Variants in ATP7B observed in about 807,000 individuals in gnomAD.
ATP7B encodes ATPase copper transporting beta.
Under a neutral mutation model 118.9 loss-of-function variants are expected in ATP7B, and 113 were observed. The observed-to-expected ratio is 0.95, with a 90% CI of 0.82 to 1.11. ATP7B has a LOEUF of 1.11. ATP7B is among the 50% of genes most tolerant of loss of function. The pLI is 0.00. For synonymous variants in ATP7B, 777 were observed against 727.4 expected (o/e 1.07, Z -1.10); for missense variants, 1,867 against 1,871.4 (o/e 1.00, Z 0.04).
intron 6 of ATP7B, among the ~76,000 whole-genome samples, chr13:51,960,526 T>C (rs952425628): frequency 6.6e-6 from 1 of 152,154 alleles, no homozygotes; most frequent in African/African-American, 2.4e-5. Flanking sequence ...AACATCACTA[T>C]AAGGAGGTTC....
At chr13:51,994,543 T>G (rs1478211392) in intron 1 of ATP7B, among the ~76,000 whole-genome samples, 1 of 152,236 alleles carries the variant, frequency 6.6e-6, no homozygotes, top group Non-Finnish European at 1.5e-5. Context: ...AAAAACCTGA[T>G]AGCAAAATGC....
chr13:51,967,933 T>C (rs1951643619), intron 4 of ATP7B, among the ~76,000 whole-genome samples: 2 of 152,204 alleles, frequency 1.3e-5, no homozygotes, highest in South Asian at 4.1e-4. Context: ...CAACAATCAC[T>C]ACCTGGAGCA....
At chr13:51,945,194 C>T (rs561487016) in intron 13 of ATP7B, among the ~76,000 whole-genome samples, 4 of 152,328 alleles carry the variant, frequency 2.6e-5, no homozygotes, top group East Asian at 1.9e-4. Context: ...AGTCACATCA[C>T]GTGGGTATGC....
At position 51,974,949 on chromosome 13, in the gene ATP7B, CCTT is replaced by C. The variant is rs751970838; in HGVS notation, c.268_270del (p.Lys90del). On this transcript the variant is annotated inframe_deletion, in exon 2 of 21. Coordinates refer to ENST00000242839, the MANE Select transcript of ATP7B (RefSeq NM_000053.4). Reference sequence around the variant, plus strand: ...GTGGCACTGCCTTGTTCCAGGGAAACCTTCATGCTGATGATGCCTTTCAAATTG... The same window carrying C: ...GTGGCACTGCCTTGTTCCAGGGAAACCATGCTGATGATGCCTTTCAAATTG... The C allele has an allele frequency of 6.2e-7, 1 of 1,614,218 alleles. No individual in the cohort carries two copies. The highest frequency in any genetic ancestry group is 2.2e-5 in the East Asian group (1 of 44,886).
At position 51,935,030 on chromosome 13, in the gene ATP7B, C is replaced by A. The variant is rs1293549383; in HGVS notation, c.4125-1G>T. ...CCTCTCCAGGTCAGGCTTCTTATAG[C>A]TGGAAAGCAGGAACGCAACAGCATC... is the stretch of plus-strand genomic sequence containing the variant. On this transcript the variant is annotated splice_acceptor_variant, in intron 20 of 20. Transcript: ENST00000242839. LOFTEE classifies it high-confidence loss of function. The A allele has an allele frequency of 1.2e-6, 2 of 1,613,816 alleles. No individual in the cohort carries two copies. Among genetic ancestry groups the A allele is most frequent in the Non-Finnish European group, 1.7e-6 (2 of 1,180,006 alleles).
chr13:51,957,220 C>CT (rs1432862364), intron 9 of ATP7B, among the ~76,000 whole-genome samples: 1 of 152,186 alleles, frequency 6.6e-6, no homozygotes, highest in African/African-American at 2.4e-5. Context: ...AATTCATACT[C>CT]TATGTTCTCT....
In ATP7B at chr13:51,974,317, A is replaced by T; in HGVS notation, c.903T>A (p.Tyr301Ter). ...CCACTGGGCTGGTACAAGAAGGGTCATACTTTACTTGGGCAGTTTTGTTCT... is the reference window on the plus strand; with the variant it reads ...CCACTGGGCTGGTACAAGAAGGGTCTTACTTTACTTGGGCAGTTTTGTTCT... ...SLENKTAQVKYDPSCTSPVAL... is the reference protein window; with the variant it reads ...SLENKTAQVK The change falls in exon 2 of 21, where the codon TAT becomes TAA. Residue 301 changes from tyrosine to a stop codon, truncating the protein, a stop_gained. Transcript: ENST00000242839. LOFTEE classifies it high-confidence loss of function. 1 of 1,614,154 alleles carries T rather than the reference A, an allele frequency of 6.2e-7. No homozygotes were observed. The highest frequency in any genetic ancestry group is 8.5e-7 in the Non-Finnish European group (1 of 1,180,038).
At chr13:51,981,955 C>A (rs577237365) in intron 1 of ATP7B, among the ~76,000 whole-genome samples, 1 of 151,854 alleles carries the variant, frequency 6.6e-6, no homozygotes, top group Non-Finnish European at 1.5e-5. Flanking sequence ...TACGGCCCAA[C>A]ACAAATTTGT....
intron 9 of ATP7B, among the ~76,000 whole-genome samples, chr13:51,953,278 C>A (rs956132636): frequency 6.6e-6 from 1 of 152,118 alleles, no homozygotes; most frequent in African/African-American, 2.4e-5. Context: ...CTCCACATGG[C>A]CTGAGAAGCC....
rs1388113484 is a variant in ATP7B at position 51,932,895 on chromosome 13, G to T, written c.*1861C>A. 1.3e-5 allele frequency: 2 copies of T among 152,132 alleles called. No homozygotes were observed. Among genetic ancestry groups the T allele is most frequent in the African/African-American group, 4.8e-5 (2 of 41,418 alleles). 9.4% of individuals were successfully genotyped at this position (152,132 alleles called of 1,614,324 possible). A position where few individuals can be genotyped will look rare whatever the true frequency, so the allele number is the denominator to read the frequency against. On this transcript the variant is annotated 3_prime_UTR_variant, in exon 21 of 21. Transcript: ENST00000242839. ...CTTTAGATAATGATCAGCCTAGTCA[G>T]AAAACAACATTCCCCAAGCAAGCAT...
At chr13:51,970,296 T>C (rs1465338420) in intron 3 of ATP7B, among the ~76,000 whole-genome samples, 196 bp downstream of exon 3, 3 of 152,212 alleles carry the variant, frequency 2.0e-5, no homozygotes, top group Non-Finnish European at 4.4e-5. Context: ...GAGATATATT[T>C]TATCTCAAAC....
intron 1 of ATP7B, chr13:51,975,596 C>T (rs1350167927): frequency 2.0e-6 from 1 of 511,206 alleles, no homozygotes; most frequent in South Asian, 1.4e-5. Flanking sequence ...GTCCTTTCAG[C>T]TCAAACTTTG....
At chr13:51,992,266 A>G (rs970769077) in intron 1 of ATP7B, among the ~76,000 whole-genome samples, 1 of 152,226 alleles carries the variant, frequency 6.6e-6, no homozygotes, top group Admixed American at 6.5e-5. Flanking sequence ...TCCATTCACT[A>G]TGAATTAGCA....
upstream of ATP7B, chr13:52,011,558 C>A (rs1593893549): frequency 1.6e-6 from 1 of 636,352 alleles, no homozygotes; most frequent in Non-Finnish European, 2.8e-6. Flanking sequence ...CAAAGTTGCG[C>A]GCCGCCGTCC....
Position 51,968,590 on chromosome 13 carries a change from C to T in ATP7B, c.1561G>A (p.Val521Ile), listed in dbSNP as rs1951685983. 1.2e-6 allele frequency: 2 copies of T among 1,613,998 alleles called. No homozygotes were observed. Among genetic ancestry groups the T allele is most frequent in the Non-Finnish European group, 1.7e-6 (2 of 1,180,040 alleles). Reference protein sequence around the residue: ...QKEAGVLSVLVALMAGKAEIK... With the variant: ...QKEAGVLSVLIALMAGKAEIK... Reference sequence around the variant, plus strand: ...TCTGCCTTTCCTGCCATCAAGGCAACCAACACGGAGAGAACACCTGGAACC... The same window carrying T: ...TCTGCCTTTCCTGCCATCAAGGCAATCAACACGGAGAGAACACCTGGAACC... Residue 521 changes from valine (V) to isoleucine (I), a missense_variant, in exon 4 of 21, where the codon GTT (valine) becomes ATT (isoleucine). Val to Ile is a conservative substitution (Grantham distance 29). Coordinates refer to ENST00000242839, the MANE Select transcript of ATP7B (RefSeq NM_000053.4).
chr13:51,941,175 C>T lies in ATP7B; in HGVS notation c.3462G>A (p.Leu1154=), dbSNP rs767069278. The change falls in exon 16 of 21, where the codon CTG becomes CTA. Residue 1154 remains leucine, a synonymous_variant. Coordinates refer to ENST00000242839, the MANE Select transcript of ATP7B (RefSeq NM_000053.4). ...FSVLIGNREW[L]RRNGLTISSD... ...TAGAAATGGTTAAACCGTTGCGCCT[C>T]AGCCACTCACGGTTTCCAATCAGCA... 21 of 1,614,038 alleles carry T rather than the reference C, an allele frequency of 1.3e-5. No homozygotes were observed. Among genetic ancestry groups the T allele is most frequent in the Non-Finnish European group, 1.6e-5 (19 of 1,180,048 alleles).
At chr13:51,976,708 A>T (rs1262944025) in intron 1 of ATP7B, among the ~76,000 whole-genome samples, 1 of 152,240 alleles carries the variant, frequency 6.6e-6, no homozygotes, top group Non-Finnish European at 1.5e-5. Context: ...CCTGTACAGC[A>T]TGTTACTGTA....
At chr13:51,965,279 G>A (rs948165280) in intron 4 of ATP7B, among the ~76,000 whole-genome samples, 17 of 152,172 alleles carry the variant, frequency 1.1e-4, no homozygotes, top group African/African-American at 4.1e-4. Flanking sequence ...GAAGCAGATG[G>A]CAACAGACCA....
rs1332744345 is a variant in ATP7B, at chr13:51,934,089, G to A, written c.*667C>T. On this transcript the variant is annotated 3_prime_UTR_variant, in exon 21 of 21. Coordinates refer to ENST00000242839, the MANE Select transcript of ATP7B (RefSeq NM_000053.4). ...TGGGGATGTGTGAGCCAGGAAGCAG[G>A]TTCAAGCTGAAATGCACACTCCAGA... 4 of 154,078 alleles carry A rather than the reference G, an allele frequency of 2.6e-5. No individual in the cohort carries two copies. The highest frequency in any genetic ancestry group is 6.3e-5 in the Admixed American group (1 of 15,754). The allele number at this position is 154,078 out of a possible 1,614,324, so 9.5% of individuals were successfully genotyped here. A position where few individuals can be genotyped will look rare whatever the true frequency, so the allele number is the denominator to read the frequency against.
Sources: gnomAD v4.1 joint callset for allele counts (sites outside exome capture counted in the v4.1 genomes callset) on GRCh38, gnomAD v4.1.1 for gene constraint, MANE v1.5 for transcripts, NCBI Gene and HGNC (gene_info 2026-07-23, HGNC 2026-07-21) for gene names.